FAT1: variants seen among roughly 807,000 people sequenced by gnomAD.
FAT1 encodes protocadherin Fat 1.
In FAT1, 171 loss-of-function variants were observed where a neutral mutation model predicts 329.8. The ratio of observed to expected loss-of-function variants is 0.52; its 90% CI spans 0.46 to 0.59. FAT1 has a LOEUF of 0.59. FAT1 is among the 20% of genes least tolerant of loss of function. The pLI is 0.00. For synonymous variants in FAT1, 2,233 were observed against 2,228.6 expected, an observed-to-expected ratio of 1.00 and a Z score of -0.06; for missense variants, 5,672 against 5,774.4, an observed-to-expected ratio of 0.98 and a Z score of 0.57.
In FAT1 at chr4:186,707,366, T is replaced by G. The variant is rs992616763; in HGVS notation, c.2462A>C (p.Glu821Ala). ...CACAAAATAGCTCTCCTGTAAAAACTCGGGTGGATTATCATTGGCATCGAC... is the reference window on the plus strand; with the variant it reads ...CACAAAATAGCTCTCCTGTAAAAACGCGGGTGGATTATCATTGGCATCGAC... ...VVVDANDNPP[E>A]FLQESYFVEV... Residue 821 changes from glutamate (E) to alanine (A), a missense_variant, in exon 2 of 27, where the codon GAG (glutamate) becomes GCG (alanine). Physicochemically the swap from Glu to Ala is moderately radical, Grantham distance 107. Coordinates refer to ENST00000441802, the MANE Select transcript of FAT1 (RefSeq NM_005245.4). The G allele has an allele frequency of 6.2e-7, 1 of 1,613,828 alleles. No individual in the cohort carries two copies. The highest frequency in any genetic ancestry group is 1.3e-5 in the African/African-American group (1 of 74,900).
At chr4:186,697,434 A>C (rs1744090559) in intron 2 of FAT1, among the ~76,000 whole-genome samples, 1 of 152,222 alleles carries the variant, frequency 6.6e-6, no homozygotes, top group Non-Finnish European at 1.5e-5. Flanking sequence ...CCGAGGGATG[A>C]TGCACACTGT....
chr4:186,649,108 A>G (rs1741509764), intron 3 of FAT1, among the ~76,000 whole-genome samples: 1 of 134,564 alleles, frequency 7.4e-6, no homozygotes, highest in Admixed American at 7.3e-5. Flanking sequence ...TTAACATTGC[A>G]AAAAATGCAA....
chr4:186,615,829 C>G (rs548559838), intron 11 of FAT1, among the ~76,000 whole-genome samples: 3 of 152,184 alleles, frequency 2.0e-5, no homozygotes, highest in African/African-American at 7.2e-5. Context: ...CCAGAGACAA[C>G]GCCAAGTTTC....
At chr4:186,689,385 C>T (rs1270628092) in intron 2 of FAT1, among the ~76,000 whole-genome samples, 1 of 152,216 alleles carries the variant, frequency 6.6e-6, no homozygotes, top group African/African-American at 2.4e-5. Flanking sequence ...CAAAAGCTAT[C>T]ACTGGACATT....
chr4:186,710,870 C>T (rs1744916680), intron 1 of FAT1, among the ~76,000 whole-genome samples: 1 of 152,172 alleles, frequency 6.6e-6, no homozygotes, highest in South Asian at 2.1e-4. Flanking sequence ...AAGAGAGAAA[C>T]TGAAGAAATG....
rs111886222 is a variant in FAT1 at position 186,628,210 on chromosome 4, G to A, written c.4754C>T (p.Thr1585Met). ...AAVGSVVLQVTALDKDKGKNA... is the reference protein window; with the variant it reads ...AAVGSVVLQVMALDKDKGKNA... The stretch of plus-strand genomic sequence containing the variant: ...TTTCCCTTTGTCCTTGTCCAGAGCC[G>A]TCACCTGCAACACAACTGAGCCAAC... Residue 1585 changes from threonine to methionine, a missense_variant, in exon 9 of 27, where the codon ACG becomes ATG. Physicochemically the swap from Thr to Met is moderately conservative, Grantham distance 81 (BLOSUM62 -1). Transcript: ENST00000441802. 9.2e-3 allele frequency: 14,876 copies of A among 1,613,864 alleles called. 73 individuals are homozygous for A. The highest frequency in any genetic ancestry group is 0.011 in the Non-Finnish European group (12,465 of 1,179,858).
At position 186,656,183 on chromosome 4, in the gene FAT1, C is replaced by A. The variant is rs1306808072; in HGVS notation, c.3580+7116G>T. 5.9e-5 allele frequency among the ~76,000 whole-genome samples: 9 copies of A among 152,292 alleles called. No individual in the cohort carries two copies. The East Asian group carries it at 1.5e-3, about 26-fold the overall frequency. ...TTCAAAGGCTCTGGGGCATAGCTGT[C>A]CCCAGTTGTCTAGCACTGGCTCTGA... On this transcript the variant is annotated intron_variant, in intron 3 of 26. Transcript: ENST00000441802.
chr4:186,713,283 G>T (rs1561014947), intron 1 of FAT1, among the ~76,000 whole-genome samples: 2 of 152,008 alleles, frequency 1.3e-5, no homozygotes, highest in Non-Finnish European at 1.5e-5. Context: ...TAATGATCTG[G>T]ACAGTTTCCA....
intron 11 of FAT1, among the ~76,000 whole-genome samples, chr4:186,616,305 T>A (rs1739707393): frequency 6.6e-6 from 1 of 152,088 alleles, no homozygotes; most frequent in Non-Finnish European, 1.5e-5. Flanking sequence ...GTAATCCAGT[T>A]CACCCTTTTC....
chr4:186,611,352 T>C (rs757296234), intron 14 of FAT1, 34 bp downstream of exon 14: 1 of 1,556,430 alleles, frequency 6.4e-7, no homozygotes, highest in Non-Finnish European at 8.7e-7. Flanking sequence ...CTTGGTGGAA[T>C]GAAGGGTTTC....
At position 186,617,958 on chromosome 4, in the gene FAT1, G is replaced by A. The variant is rs1053544017; in HGVS notation, c.8628C>T (p.Asp2876=). 2 of 1,613,940 alleles carry A rather than the reference G, an allele frequency of 1.2e-6. No homozygotes were observed. The highest frequency in any genetic ancestry group is 1.7e-6 in the Non-Finnish European group (2 of 1,179,880). Residue 2876 remains aspartate (D), a synonymous_variant, in exon 10 of 27, where the codon GAC becomes GAT. Coordinates refer to ENST00000441802, the MANE Select transcript of FAT1 (RefSeq NM_005245.4). ...TGWITTLKEL[D]HEKRDNYQIK... ...TCTGGTAATTGTCTCTCTTTTCATG[G>A]TCAAGTTCCTTTAAAGTTGTAATCC... is the stretch of plus-strand genomic sequence containing the variant.
At chr4:186,644,077 C>T (rs1269122155) in intron 3 of FAT1, among the ~76,000 whole-genome samples, 3 of 152,152 alleles carry the variant, frequency 2.0e-5, no homozygotes, top group South Asian at 2.1e-4. Flanking sequence ...TTTTCCAAGG[C>T]CACTAGTAAG....
chr4:186,614,475 C>T, intron 11 of FAT1, 131 bp from the exon 12 acceptor site: 1 of 645,450 alleles, frequency 1.5e-6, no homozygotes, highest in Admixed American at 4.2e-5. Context: ...GATAAAATCC[C>T]AAGAGCTTTG....
At chr4:186,600,693 A>T (rs1738769950) in intron 21 of FAT1, among the ~76,000 whole-genome samples, 1 of 152,244 alleles carries the variant, frequency 6.6e-6, no homozygotes, top group Non-Finnish European at 1.5e-5. Context: ...AAACACATGT[A>T]GGATGTCTCT....
intron 2 of FAT1, among the ~76,000 whole-genome samples, chr4:186,682,534 AAAAAAAAAAAG>A (rs1304797779): frequency 4.4e-5 from 2 of 45,802 alleles, no homozygotes; most frequent in Non-Finnish European, 1.0e-4. Flanking sequence ...CTCAAAAAAA[AAAAAAAAAAAG>A]AAAGTTGTAA....
At chr4:186,613,062 T>G in intron 13 of FAT1, 47 bp downstream of exon 13, 1 of 1,346,066 alleles carries the variant, frequency 7.4e-7, no homozygotes. Flanking sequence ...CAGAGGCTCC[T>G]AGGATCTCAG....
At chr4:186,606,344 G>A (rs909921976) in intron 16 of FAT1, 131 bp from the exon 17 acceptor site, 12 of 876,746 alleles carry the variant, frequency 1.4e-5, no homozygotes, top group Middle Eastern at 5.9e-4. Context: ...TCCTGCCTGT[G>A]AGCGATGCCC....
chr4:186,712,511 C>A (rs1279273467), intron 1 of FAT1, among the ~76,000 whole-genome samples: 1 of 152,102 alleles, frequency 6.6e-6, no homozygotes, highest in Non-Finnish European at 1.5e-5. Flanking sequence ...ACCAAATTAC[C>A]AACAAGTCCT....
intron 2 of FAT1, among the ~76,000 whole-genome samples, chr4:186,667,631 G>C (rs761552950): frequency 6.6e-6 from 1 of 152,182 alleles, no homozygotes; most frequent in African/African-American, 2.4e-5. Context: ...AGGGCACACC[G>C]AAGAATCTTA....
Sources: gnomAD v4.1 joint callset for allele counts (sites outside exome capture counted in the v4.1 genomes callset) on GRCh38, gnomAD v4.1.1 for gene constraint, MANE v1.5 for transcripts, NCBI Gene and HGNC (gene_info 2026-07-23, HGNC 2026-07-21) for gene names.